MAGI2: variants seen among roughly 807,000 people sequenced by gnomAD.
MAGI2 encodes the protein membrane-associated guanylate kinase, WW and PDZ domain-containing protein 2.
A neutral mutation model predicts 133.3 loss-of-function variants in MAGI2; 35 were observed. The ratio of observed to expected loss-of-function variants is 0.26; its 90% CI spans 0.20 to 0.35. The LOEUF (loss-of-function observed/expected upper bound fraction) is 0.35, where lower values mean the gene tolerates loss of function less well. MAGI2 is among the 10% of genes least tolerant of loss of function. MAGI2 has a pLI of 1.00. For synonymous variants in MAGI2, 729 were observed against 710.6 expected (o/e 1.03, Z -0.41); for missense variants, 1,636 against 1,863.4 (o/e 0.88, Z 2.25).
chr7:79,338,598 T>G (rs1384465495), intron 1 of MAGI2, among the ~76,000 whole-genome samples: 2 of 152,164 alleles, frequency 1.3e-5, no homozygotes, highest in African/African-American at 4.8e-5. Context: ...CTGGGGGTTC[T>G]GTGAGTCCCA....
chr7:79,134,646 C>T (rs1249656495), intron 1 of MAGI2, among the ~76,000 whole-genome samples: 3 of 152,136 alleles, frequency 2.0e-5, no homozygotes, highest in African/African-American at 4.8e-5. Flanking sequence ...ATTATGGCAA[C>T]CAAATTGAAA....
chr7:78,530,707 G>A (rs896549322), intron 3 of MAGI2, among the ~76,000 whole-genome samples: 3 of 151,824 alleles, frequency 2.0e-5, no homozygotes, highest in African/African-American at 4.8e-5. Flanking sequence ...TCCTACTTTC[G>A]CACCTCATGC....
At chr7:78,322,994 T>C (rs887546016) in intron 9 of MAGI2, among the ~76,000 whole-genome samples, 8 of 150,206 alleles carry the variant, frequency 5.3e-5, no homozygotes, top group African/African-American at 2.0e-4. Context: ...TCAAAAATAT[T>C]GAGCATTTTC....
chr7:78,918,529 T>G (rs139957676), intron 2 of MAGI2, among the ~76,000 whole-genome samples: 1 of 152,288 alleles, frequency 6.6e-6, no homozygotes, highest in East Asian at 1.9e-4. Flanking sequence ...TCAATAAACA[T>G]TTAATGATGG....
At chr7:79,346,772 C>G (rs7811812) in intron 1 of MAGI2, among the ~76,000 whole-genome samples, 4,862 of 152,068 alleles carry the variant, frequency 0.032, 254 homozygotes, top group African/African-American at 0.11. Flanking sequence ...AACCTTTCCT[C>G]ACACCTTATC....
chr7:79,293,785 A>C (rs1836688598), intron 1 of MAGI2, among the ~76,000 whole-genome samples: 1 of 152,202 alleles, frequency 6.6e-6, no homozygotes, highest in Admixed American at 6.5e-5. Flanking sequence ...CAGGCCTCCT[A>C]GTCATTAAAT....
intron 6 of MAGI2, among the ~76,000 whole-genome samples, chr7:78,471,440 A>C (rs892068400): frequency 1.3e-5 from 2 of 152,150 alleles, no homozygotes; most frequent in African/African-American, 4.8e-5. Context: ...AAATTACTCA[A>C]TACATGGTAA....
chr7:79,204,262 G>C (rs990884855), intron 1 of MAGI2, among the ~76,000 whole-genome samples: 2 of 152,050 alleles, frequency 1.3e-5, no homozygotes, highest in Admixed American at 6.5e-5. Flanking sequence ...CAGGCTTCAG[G>C]CTTGTGTGTA....
intron 3 of MAGI2, among the ~76,000 whole-genome samples, chr7:78,545,501 C>G (rs563640483): frequency 1.3e-5 from 2 of 152,166 alleles, no homozygotes; most frequent in Admixed American, 1.3e-4. Flanking sequence ...TGTGAGCCAC[C>G]GTGCTCAGCC....
At position 79,306,477 on chromosome 7, in the gene MAGI2, C is replaced by T. The variant is rs779819328; in HGVS notation, c.301+146543G>A. Reference sequence around the variant, plus strand: ...GTACCTGGCTGCTTTTTTGATTTGACATGAAACCACAGATCTACATTTTTA... The same window carrying T: ...GTACCTGGCTGCTTTTTTGATTTGATATGAAACCACAGATCTACATTTTTA... On this transcript the variant is annotated intron_variant, in intron 1 of 21. Coordinates refer to ENST00000354212, the MANE Select transcript of MAGI2 (RefSeq NM_012301.4). Among the ~76,000 whole-genome samples the T allele has an allele frequency of 1.9e-3, 292 of 151,236 alleles. 2 individuals carry two copies. Among genetic ancestry groups the T allele is most frequent in the Non-Finnish European group, 2.4e-3 (164 of 67,790 alleles).
At chr7:78,065,976 T>A (rs1813763168) in intron 21 of MAGI2, among the ~76,000 whole-genome samples, 1 of 152,208 alleles carries the variant, frequency 6.6e-6, no homozygotes, top group Admixed American at 6.5e-5. Context: ...ATGTAAATTC[T>A]TGTAGGCTTT....
intron 9 of MAGI2, among the ~76,000 whole-genome samples, chr7:78,297,986 TAAAA>T (rs60034232): frequency 6.7e-6 from 1 of 148,194 alleles, no homozygotes; most frequent in Non-Finnish European, 1.5e-5. Context: ...AAAGTATAAT[TAAAA>T]AAAAAGAATT....
At chr7:78,555,197 G>C (rs1371687449) in intron 3 of MAGI2, among the ~76,000 whole-genome samples, 33 of 111,414 alleles carry the variant, frequency 3.0e-4, no homozygotes, top group Middle Eastern at 4.5e-3. Flanking sequence ...CGGTTGGATG[G>C]ATGGATAGAT....
rs145916324 is a variant in MAGI2 at position 79,162,457 on chromosome 7, G to A, written c.302-155251C>T. 1.1e-3 allele frequency among the ~76,000 whole-genome samples: 167 copies of A among 152,092 alleles called. 2 individuals carry two copies. The highest frequency in any genetic ancestry group is 3.7e-3 in the African/African-American group (152 of 41,526). ...GGACTATCGAGGAAGAGGTGAGTGC[G>A]TGAAATTTTAAGGGCTGATTTTGAG... On this transcript the variant is annotated intron_variant, in intron 1 of 21. Transcript: ENST00000354212.
At chr7:78,465,813 T>C (rs548709851) in intron 6 of MAGI2, among the ~76,000 whole-genome samples, 1 of 152,298 alleles carries the variant, frequency 6.6e-6, no homozygotes, top group East Asian at 1.9e-4. Flanking sequence ...ACCAAATCCC[T>C]TCCTCTTTCA....
chr7:79,063,698 C>A (rs1814009230), intron 1 of MAGI2, among the ~76,000 whole-genome samples: 1 of 152,010 alleles, frequency 6.6e-6, no homozygotes. Context: ...TAGGATATTA[C>A]CATACCTATT....
chr7:78,343,808 G>C lies in MAGI2; in HGVS notation c.1378C>G (p.Pro460Ala), dbSNP rs754338331. 6.2e-7 allele frequency: 1 copy of C among 1,606,582 alleles called. No homozygotes were observed. The highest frequency in any genetic ancestry group is 1.1e-5 in the South Asian group (1 of 89,674). ...TCCATTTTTCCATCCTGTGCTGCAG[G>C]CCCATCCGGAATCACACTTTTCACC... ...LQVKSVIPDG[P>A]AAQDGKMETG... Residue 460 changes from proline (P) to alanine (A), a missense_variant, in exon 9 of 22, where the codon CCT becomes GCT. Around this residue, in one of 5 missense-constraint regions of MAGI2, gnomAD observed 920 missense variants for 1,093.5 expected, o/e 0.84. Coordinates refer to ENST00000354212, the MANE Select transcript of MAGI2 (RefSeq NM_012301.4).
At chr7:78,690,985 G>T (rs1346225187) in intron 2 of MAGI2, among the ~76,000 whole-genome samples, 8 of 152,132 alleles carry the variant, frequency 5.3e-5, no homozygotes, top group Non-Finnish European at 1.0e-4. Flanking sequence ...TGGCTTGCAA[G>T]GGTCTTTACA....
chr7:79,447,994 T>C (rs1848980746), intron 1 of MAGI2, among the ~76,000 whole-genome samples: 2 of 152,028 alleles, frequency 1.3e-5, no homozygotes, highest in East Asian at 1.9e-4. Flanking sequence ...TGTATTAATA[T>C]AAGAAGTATA....
Sources: gnomAD v4.1 joint callset for allele counts (sites outside exome capture counted in the v4.1 genomes callset) on GRCh38, gnomAD v4.1.1 for gene constraint, gnomAD v4.1.1 regional missense constraint, MANE v1.5 for transcripts, NCBI Gene and HGNC (gene_info 2026-07-23, HGNC 2026-07-21) for gene names.